Variants in GRM8 observed in about 807,000 individuals in gnomAD.
The protein encoded by GRM8 is glutamate metabotropic receptor 8, also known as metabotropic glutamate receptor 8.
GRM8 carries 47 observed loss-of-function variants against 87.2 expected under a neutral mutation model. The observed-to-expected ratio is 0.54, with a 90% confidence interval of 0.43 to 0.69. The LOEUF (loss-of-function observed/expected upper bound fraction) is 0.69, where lower values mean the gene tolerates loss of function less well. GRM8 is among the 30% of genes least tolerant of loss of function. The probability of loss-of-function intolerance (pLI) is 0.00; values close to 1 mark genes in which losing one functional copy is unlikely to be tolerated. For missense variants in GRM8, 1,019 were observed against 1,139.2 expected (o/e 0.89, Z 1.52); for synonymous variants, 396 against 404.5 (o/e 0.98, Z 0.25).
At chr7:126,474,161 A>G (rs1805625340) in intron 9 of GRM8, among the ~76,000 whole-genome samples, 1 of 152,190 alleles carries the variant, frequency 6.6e-6, no homozygotes, top group South Asian at 2.1e-4. Context: ...ACATTCCAAA[A>G]TGAAGTGCTA....
intron 2 of GRM8, among the ~76,000 whole-genome samples, chr7:127,110,035 C>T (rs917293785): frequency 1.3e-5 from 2 of 152,096 alleles, no homozygotes; most frequent in African/African-American, 2.4e-5. Context: ...AGTATTTATC[C>T]CACAGTTTCT....
chr7:126,582,747 T>A (rs985949435), intron 8 of GRM8, among the ~76,000 whole-genome samples: 1 of 152,194 alleles, frequency 6.6e-6, no homozygotes, highest in Non-Finnish European at 1.5e-5. Context: ...TTATGCTAAA[T>A]CTAGTTGGCC....
intron 7 of GRM8, among the ~76,000 whole-genome samples, chr7:126,662,553 G>A (rs1195998713): frequency 6.6e-6 from 1 of 152,100 alleles, no homozygotes; most frequent in Non-Finnish European, 1.5e-5. Flanking sequence ...GGGGCAGGAA[G>A]GCATATCTAA....
intron 8 of GRM8, among the ~76,000 whole-genome samples, chr7:126,594,708 A>G (rs952966504): frequency 6.6e-6 from 1 of 152,156 alleles, no homozygotes; most frequent in South Asian, 2.1e-4. Flanking sequence ...AAAAATGCTA[A>G]AAGAGTGGAT....
At chr7:126,870,438 C>T (rs1798995476) in intron 6 of GRM8, 1 of 152,204 alleles carries the variant, frequency 6.6e-6, no homozygotes, top group African/African-American at 2.4e-5. Flanking sequence ...ATCAGCTTTC[C>T]ATGTGCCTTC....
chr7:126,555,572 C>T (rs1946112), intron 8 of GRM8, among the ~76,000 whole-genome samples: 48,520 of 152,048 alleles, frequency 0.32, 8,409 homozygotes, highest in East Asian at 0.44. Context: ...ATTAATTTGT[C>T]CAGTTATTGT....
At chr7:127,093,262 G>A (rs1824332443) in intron 3 of GRM8, among the ~76,000 whole-genome samples, 1 of 152,144 alleles carries the variant, frequency 6.6e-6, no homozygotes, top group Non-Finnish European at 1.5e-5. Flanking sequence ...CACAAGGACT[G>A]GAAGCAGGTC....
chr7:126,804,820 C>G (rs1206187967), intron 6 of GRM8, among the ~76,000 whole-genome samples: 1 of 152,152 alleles, frequency 6.6e-6, no homozygotes, highest in East Asian at 1.9e-4. Flanking sequence ...ATGACTTACT[C>G]TACCTATGCT....
intron 2 of GRM8, among the ~76,000 whole-genome samples, chr7:127,216,388 T>G (rs533776850): frequency 1.9e-4 from 29 of 151,860 alleles, no homozygotes; most frequent in Admixed American, 5.9e-4. Context: ...CATGGTGGCA[T>G]GCACCTGTAA....
chr7:126,825,867 C>A lies in GRM8; in HGVS notation c.1157-55802G>T, dbSNP rs1794726043. Among the ~76,000 whole-genome samples, 5 of 149,242 alleles carry A rather than the reference C, an allele frequency of 3.4e-5. No individual in the cohort carries two copies. The Admixed American group carries it at 3.4e-4, about 10-fold the overall frequency. On this transcript the variant is annotated intron_variant, in intron 6 of 10. Transcript: ENST00000339582. The stretch of plus-strand genomic sequence containing the variant: ...GTATATCTCCTAATGCTATCCCTCC[C>A]ACCTCCCCCCACCCCACAACAGTCC...
At chr7:127,180,678 G>A (rs150153939) in intron 2 of GRM8, among the ~76,000 whole-genome samples, 5 of 152,136 alleles carry the variant, frequency 3.3e-5, no homozygotes, top group African/African-American at 1.2e-4. Flanking sequence ...TACCAGGGAT[G>A]CAGGGATGGT....
chr7:127,199,141 T>A (rs1358796976), intron 2 of GRM8, among the ~76,000 whole-genome samples: 1 of 97,768 alleles, frequency 1.0e-5, no homozygotes, highest in Non-Finnish European at 2.6e-5. Context: ...GCACCCGGCT[T>A]TTTTTTTTCT....
chr7:126,626,609 A>AT (rs1170760894), intron 7 of GRM8, among the ~76,000 whole-genome samples: 1 of 152,180 alleles, frequency 6.6e-6, no homozygotes, highest in African/African-American at 2.4e-5. Flanking sequence ...CACAATACCA[A>AT]TGGTCAATAT....
chr7:126,460,255 GACCTCTCCAAGTCACTAT>G (rs1222187793), intron 9 of GRM8, among the ~76,000 whole-genome samples: 1 of 151,542 alleles, frequency 6.6e-6, no homozygotes, highest in African/African-American at 2.4e-5. Context: ...TACATATGGT[GACCTCTCCAAGTCACTAT>G]ACCTAGCCAA....
intron 8 of GRM8, among the ~76,000 whole-genome samples, chr7:126,602,457 C>T (rs202101697): frequency 0.19 from 20,490 of 105,586 alleles, 2,184 homozygotes; most frequent in East Asian, 0.28. Context: ...TAGTTTTTTC[C>T]AATTCTGTGA....
At chr7:126,859,388 C>T (rs1345462804) in intron 6 of GRM8, among the ~76,000 whole-genome samples, 1 of 152,158 alleles carries the variant, frequency 6.6e-6, no homozygotes, top group African/African-American at 2.4e-5. Context: ...TATGATGGAC[C>T]AAGATCAGAT....
chr7:127,177,490 T>C (rs1379878986), intron 2 of GRM8, among the ~76,000 whole-genome samples: 1 of 152,234 alleles, frequency 6.6e-6, no homozygotes. Flanking sequence ...CTCTCCATAC[T>C]ACTACAGCTG....
At chr7:127,190,974 G>A (rs906617930) in intron 2 of GRM8, among the ~76,000 whole-genome samples, 3 of 152,088 alleles carry the variant, frequency 2.0e-5, no homozygotes, top group Admixed American at 6.6e-5. Context: ...GTAAGTCTAT[G>A]ACAACAGTAC....
Position 126,808,933 on chromosome 7 carries a change from G to A in GRM8, c.1157-38868C>T, listed in dbSNP as rs548318011. Among the ~76,000 whole-genome samples the A allele has an allele frequency of 5.3e-4, 81 of 152,242 alleles. 2 individuals are homozygous for A. The South Asian group carries it at 0.017, about 31-fold the overall frequency. ...GCTGTAACAAATTACCACAAACATA[G>A]TGGCTTAAAACAACACATATTTATT... On this transcript the variant is annotated intron_variant, in intron 6 of 10. Coordinates refer to ENST00000339582, the MANE Select transcript of GRM8 (RefSeq NM_000845.3).
Sources: allele counts gnomAD v4.1 joint callset (sites outside exome capture counted in the v4.1 genomes callset), GRCh38; gene constraint gnomAD v4.1.1; transcripts MANE v1.5; gene names NCBI Gene and HGNC (gene_info 2026-07-23, HGNC 2026-07-21).